NOP58: variants seen among roughly 807,000 people sequenced by gnomAD.
NOP58 encodes the protein nucleolar protein 58.
NOP58 carries 44 observed loss-of-function variants against 71.2 expected under a neutral mutation model. The ratio of observed to expected loss-of-function variants is 0.62; its 90% CI spans 0.49 to 0.79. NOP58 has a LOEUF of 0.79. Among genes scored for constraint, NOP58 ranks in the 30% least tolerant of loss-of-function variants. The probability of loss-of-function intolerance (pLI) is 0.00; values close to 1 mark genes in which losing one functional copy is unlikely to be tolerated. For synonymous variants in NOP58, 228 were observed against 200.3 expected, an observed-to-expected ratio of 1.14 and a Z score of -1.17; for missense variants, 538 against 620.2, an observed-to-expected ratio of 0.87 and a Z score of 1.41.
chr2:202,265,810 T>C lies in NOP58; in HGVS notation c.-132T>C, dbSNP rs1258519411. The C allele has an allele frequency of 4.4e-6, 4 of 913,238 alleles. No individual in the cohort carries two copies. In the African/African-American group the frequency reaches 4.9e-5, roughly 11 times the overall value. The allele number at this position is 913,238 out of a possible 1,614,324, so 56.6% of individuals were successfully genotyped here. ...GGTTTAGGCAGCGTGTTCTGATTCT[T>C]TGCGGGACGGCGAGCGCATTTGTGC... On this transcript the variant is annotated 5_prime_UTR_variant, in exon 1 of 15. Coordinates refer to ENST00000264279, the MANE Select transcript of NOP58 (RefSeq NM_015934.5).
intron 8 of NOP58, chr2:202,291,530 G>T (rs192083908): frequency 4.0e-6 from 1 of 251,164 alleles, no homozygotes; most frequent in African/African-American, 2.2e-5. Context: ...GAGAAGGCCA[G>T]GCGCGTTGGC....
chr2:202,285,081 G>A (rs1437170229), intron 5 of NOP58, among the ~76,000 whole-genome samples: 3 of 151,788 alleles, frequency 2.0e-5, no homozygotes, highest in Non-Finnish European at 4.4e-5. Flanking sequence ...TCACTCTGTC[G>A]CCCAGACTGG....
intron 7 of NOP58, among the ~76,000 whole-genome samples, chr2:202,290,751 CTTGA>C (rs1688872174): frequency 6.6e-6 from 1 of 152,156 alleles, no homozygotes; most frequent in East Asian, 1.9e-4. Flanking sequence ...TACAGAGGAA[CTTGA>C]TTGATTGATG....
At chr2:202,269,627 A>G (rs2105835457) in intron 1 of NOP58, among the ~76,000 whole-genome samples, 1 of 152,252 alleles carries the variant, frequency 6.6e-6, no homozygotes, top group South Asian at 2.1e-4. Context: ...CTGTAACCCC[A>G]GCTACTTGGA....
intron 12 of NOP58, 98 bp from the exon 13 acceptor site, chr2:202,300,136 A>ATG: frequency 1.0e-6 from 1 of 1,001,366 alleles, no homozygotes; most frequent in Non-Finnish European, 1.5e-6. Flanking sequence ...TTGTGTGCTT[A>ATG]TGTAAGTATT....
At chr2:202,266,563 G>A (rs1264682641) in intron 1 of NOP58, among the ~76,000 whole-genome samples, 3 of 152,092 alleles carry the variant, frequency 2.0e-5, no homozygotes, top group Non-Finnish European at 4.4e-5. Context: ...CGATCCACCT[G>A]CCTCGGCCTC....
At chr2:202,302,095 T>C (rs1476930679) in intron 13 of NOP58, among the ~76,000 whole-genome samples, 89 of 137,442 alleles carry the variant, frequency 6.5e-4, no homozygotes, top group African/African-American at 2.0e-3. Flanking sequence ...TTTTTTTTTT[T>C]TTTTTTTTTT....
intron 5 of NOP58, among the ~76,000 whole-genome samples, chr2:202,285,673 T>A (rs901534045): frequency 6.6e-6 from 1 of 152,044 alleles, no homozygotes; most frequent in Non-Finnish European, 1.5e-5. Flanking sequence ...GTTAACCCTA[T>A]CATATTTCAT....
At chr2:202,297,298 A>T in intron 10 of NOP58, 81 bp from the exon 11 acceptor site, 2 of 1,297,092 alleles carry the variant, frequency 1.5e-6, no homozygotes, top group African/African-American at 1.5e-5. Flanking sequence ...ATAGTTTTAT[A>T]ACTCCTGATT....
At chr2:202,274,383 C>T (rs904574521) in intron 1 of NOP58, among the ~76,000 whole-genome samples, 5 of 149,822 alleles carry the variant, frequency 3.3e-5, no homozygotes, top group Admixed American at 2.0e-4. Flanking sequence ...TGTGCCACCA[C>T]GCCCAGCTAA....
At position 202,291,267 on chromosome 2, in the gene NOP58, C is replaced by A; in HGVS notation, c.777C>A (p.Thr259=). Residue 259 remains threonine, a synonymous_variant, in exon 8 of 15, where the codon ACC becomes ACA. Coordinates refer to ENST00000264279, the MANE Select transcript of NOP58 (RefSeq NM_015934.5). ...TTTGCAATATTCTGCATCTTTGCAC[C>A]CAGGTAAATTTTACTCCTGGAGAAT... ...EDICNILHLC[T]QVIEISEYRT... The A allele has an allele frequency of 6.3e-7, 1 of 1,598,842 alleles. No individual in the cohort carries two copies. Among genetic ancestry groups the A allele is most frequent in the South Asian group, 1.1e-5 (1 of 87,596 alleles).
chr2:202,291,094 T>C, intron 7 of NOP58, 31 bp from the exon 8 acceptor site: 3 of 1,528,892 alleles, frequency 2.0e-6, no homozygotes, highest in South Asian at 1.3e-5. Context: ...TGAAGAGTGA[T>C]TCTCCCTCAT....
At chr2:202,268,552 T>C (rs1688457600) in intron 1 of NOP58, among the ~76,000 whole-genome samples, 1 of 151,374 alleles carries the variant, frequency 6.6e-6, no homozygotes, top group South Asian at 2.1e-4. Flanking sequence ...AAAAATTATA[T>C]TGGATGCATA....
At chr2:202,266,086 C>A (rs920501862) in intron 1 of NOP58, 100 bp downstream of exon 1, 4 of 1,350,824 alleles carry the variant, frequency 3.0e-6, no homozygotes, top group African/African-American at 2.9e-5. Flanking sequence ...AGCGTGGGTG[C>A]CTGTTATAGC....
In NOP58 at chr2:202,292,762, T is replaced by C. The variant is rs991730023; in HGVS notation, c.781-15T>C. The C allele has an allele frequency of 1.9e-6, 3 of 1,602,002 alleles. No homozygotes were observed. In the African/African-American group the frequency reaches 4.0e-5, roughly 21 times the overall value. On this transcript the variant is annotated splice_polypyrimidine_tract_variant and intron_variant, in intron 8 of 14. Transcript: ENST00000264279. ...TCATATGATATTTGTGACTTAACTT[T>C]ATTCCTTATACTAGGTGATTGAAAT... is the stretch of plus-strand genomic sequence containing the variant.
At chr2:202,270,835 A>T (rs977985137) in intron 1 of NOP58, among the ~76,000 whole-genome samples, 2 of 152,160 alleles carry the variant, frequency 1.3e-5, no homozygotes, top group Non-Finnish European at 2.9e-5. Context: ...CACACCTGTA[A>T]TCCCAGCACT....
At chr2:202,297,340 T>A (rs994179665) in intron 10 of NOP58, 39 bp from the exon 11 acceptor site, 1 of 1,575,570 alleles carries the variant, frequency 6.3e-7, no homozygotes, top group Non-Finnish European at 8.7e-7. Flanking sequence ...GGATTTTACA[T>A]CTGAACATGG....
At chr2:202,300,099 C>A in intron 12 of NOP58, 135 bp from the exon 13 acceptor site, 1 of 739,224 alleles carries the variant, frequency 1.4e-6, no homozygotes, top group Non-Finnish European at 2.2e-6. Flanking sequence ...TCATAAACTA[C>A]CCCAAAGCCA....
At chr2:202,284,684 G>A in intron 5 of NOP58, 1 of 503,800 alleles carries the variant, frequency 2.0e-6, no homozygotes, top group East Asian at 3.3e-5. Context: ...TTTGAACCCA[G>A]GCAGTCTGGC....
Sources: allele counts gnomAD v4.1 joint callset (sites outside exome capture counted in the v4.1 genomes callset), GRCh38; gene constraint gnomAD v4.1.1; transcripts MANE v1.5; gene names NCBI Gene and HGNC (gene_info 2026-07-23, HGNC 2026-07-21).